Variants in NOL10 observed in about 807,000 individuals in gnomAD.
NOL10 encodes the protein H_NH0074G24.1.
A neutral mutation model predicts 103.5 loss-of-function variants in NOL10; 58 were observed. The ratio of observed to expected loss-of-function variants is 0.56; its 90% CI spans 0.45 to 0.70. The LOEUF (loss-of-function observed/expected upper bound fraction) is 0.70. NOL10 is among the 30% of genes least tolerant of loss of function. The pLI is 0.00. For missense variants in NOL10, 763 were observed against 807.3 expected, an observed-to-expected ratio of 0.95 and a Z score of 0.67; for synonymous variants, 287 against 282.5, an observed-to-expected ratio of 1.02 and a Z score of -0.16.
At chr2:10,635,713 G>A (rs542150696) in intron 13 of NOL10, among the ~76,000 whole-genome samples, 5 of 152,264 alleles carry the variant, frequency 3.3e-5, no homozygotes, top group African/African-American at 1.2e-4. Flanking sequence ...GTACAATAGA[G>A]AACATGTTGG....
At chr2:10,653,169 T>G (rs1679593331) in intron 12 of NOL10, among the ~76,000 whole-genome samples, 1 of 145,670 alleles carries the variant, frequency 6.9e-6, no homozygotes, top group Non-Finnish European at 1.5e-5. Context: ...CGCTCCAGCC[T>G]GGGTGACAGA....
chr2:10,638,071 C>A (rs1678389674), intron 13 of NOL10, among the ~76,000 whole-genome samples: 2 of 152,118 alleles, frequency 1.3e-5, no homozygotes, highest in African/African-American at 4.8e-5. Flanking sequence ...CGCTTGAGGC[C>A]AGGAGTTTGA....
intron 13 of NOL10, among the ~76,000 whole-genome samples, chr2:10,620,932 A>T (rs1286778475): frequency 6.6e-6 from 1 of 152,098 alleles, no homozygotes; most frequent in South Asian, 2.1e-4. Flanking sequence ...AGTAGCTGGG[A>T]CCAAAGGTAT....
At chr2:10,623,457 T>C (rs1392833479) in intron 13 of NOL10, among the ~76,000 whole-genome samples, 2 of 152,170 alleles carry the variant, frequency 1.3e-5, no homozygotes, top group Admixed American at 6.5e-5. Context: ...CCTTCGAAAT[T>C]TGAATGAAAC....
intron 19 of NOL10, among the ~76,000 whole-genome samples, chr2:10,579,462 C>T (rs1674635752): frequency 6.6e-6 from 1 of 152,030 alleles, no homozygotes; most frequent in Non-Finnish European, 1.5e-5. Context: ...TCAGGCCATA[C>T]TTGATTTACA....
Position 10,644,223 on chromosome 2 carries a change from C to T in NOL10, c.1026+97G>A, listed in dbSNP as rs3732112. The T allele has an allele frequency of 2.2e-3, 1,931 of 869,984 alleles. 47 individuals carry two copies. The East Asian group carries it at 0.053, about 24-fold the overall frequency. 53.9% of individuals were successfully genotyped at this position (869,984 alleles called of 1,614,324 possible). On this transcript the variant is annotated intron_variant, in intron 13 of 20. Transcript: ENST00000381685. ...AGGCTGCACCACTGCACCCCAGCAT[C>T]GGTGATCGCCAGACTCCGTCTCAAA...
intron 9 of NOL10, 150 bp from the exon 10 acceptor site, chr2:10,659,400 G>A: frequency 1.6e-6 from 1 of 625,654 alleles, no homozygotes; most frequent in Non-Finnish European, 2.8e-6. Flanking sequence ...ACTGCAGCCT[G>A]GTAAGATGAC....
rs946920759 is a variant in NOL10, at chr2:10,618,279, C to T, written c.1027-10968G>A. ...ATGAATTAAGGAGGTTATTATGTCT[C>T]CTTAGTTTCCTTTAATGTAGGAGCC... On this transcript the variant is annotated intron_variant, in intron 13 of 20. Transcript: ENST00000381685. Among the ~76,000 whole-genome samples, 3 of 151,956 alleles carry T rather than the reference C, an allele frequency of 2.0e-5. No homozygotes were observed. The East Asian group carries it at 5.8e-4, about 29-fold the overall frequency.
chr2:10,673,614 G>A, intron 4 of NOL10, 57 bp from the exon 5 acceptor site: 4 of 1,156,550 alleles, frequency 3.5e-6, no homozygotes, highest in Non-Finnish European at 5.0e-6. Flanking sequence ...TAGTAACAAC[G>A]CAAACCTGAT....
chr2:10,646,778 G>GTTC (rs1298257990), intron 12 of NOL10, among the ~76,000 whole-genome samples: 1 of 152,068 alleles, frequency 6.6e-6, no homozygotes, highest in Admixed American at 6.6e-5. Flanking sequence ...CAATTCCAAG[G>GTTC]CTCATAACAT....
intron 13 of NOL10, among the ~76,000 whole-genome samples, chr2:10,636,445 A>C (rs1678230738): frequency 7.2e-6 from 1 of 139,682 alleles, no homozygotes; most frequent in Non-Finnish European, 1.6e-5. Flanking sequence ...AAAAAAAAAA[A>C]ACACCAAACA....
At chr2:10,625,677 G>A (rs760737252) in intron 13 of NOL10, among the ~76,000 whole-genome samples, 7 of 151,912 alleles carry the variant, frequency 4.6e-5, no homozygotes, top group Non-Finnish European at 8.8e-5. Flanking sequence ...AGCAATTTAC[G>A]GTGCTAGTAA....
rs562497128 is a variant in NOL10 at position 10,602,764 on chromosome 2, T to A, written c.1332+12A>T. 6.7e-7 allele frequency: 1 copy of A among 1,485,268 alleles called. No homozygotes were observed. Among genetic ancestry groups the A allele is most frequent in the South Asian group, 1.2e-5 (1 of 85,210 alleles). 92.0% of individuals were successfully genotyped at this position (1,485,268 alleles called of 1,614,324 possible). A position where few individuals can be genotyped will look rare whatever the true frequency, so the allele number is the denominator to read the frequency against. The stretch of plus-strand genomic sequence containing the variant: ...CTTCTCTGATAAATTCAATGGTAAG[T>A]ATAATATTTACCTTTAACTGGACTC... On this transcript the variant is annotated intron_variant, in intron 16 of 20. Coordinates refer to ENST00000381685, the MANE Select transcript of NOL10 (RefSeq NM_024894.4).
chr2:10,646,996 A>G (rs1679118462), intron 12 of NOL10, among the ~76,000 whole-genome samples: 1 of 152,234 alleles, frequency 6.6e-6, no homozygotes, highest in South Asian at 2.1e-4. Context: ...ATATGGTTTC[A>G]CCCATGAAGA....
At chr2:10,657,991 G>T in intron 10 of NOL10, 100 bp from the exon 11 acceptor site, 1 of 857,798 alleles carries the variant, frequency 1.2e-6, no homozygotes, top group Non-Finnish European at 1.8e-6. Flanking sequence ...TCATCGCTTT[G>T]TTATGAACAC....
At chr2:10,599,271 C>T (rs1171367729) in intron 17 of NOL10, among the ~76,000 whole-genome samples, 2 of 152,232 alleles carry the variant, frequency 1.3e-5, no homozygotes, top group African/African-American at 4.8e-5. Context: ...TAAGTTAGCT[C>T]TACTCTCTAT....
At chr2:10,607,753 A>T (rs7349191) in intron 13 of NOL10, among the ~76,000 whole-genome samples, 25 of 79,104 alleles carry the variant, frequency 3.2e-4, no homozygotes, top group East Asian at 5.5e-4. Context: ...AACAATATTT[A>T]TTATTATTAT....
chr2:10,588,153 A>T (rs1047033658), intron 19 of NOL10, among the ~76,000 whole-genome samples: 4 of 152,156 alleles, frequency 2.6e-5, no homozygotes, highest in Non-Finnish European at 5.9e-5. Context: ...CCTGACTCAG[A>T]CTCCTGACAA....
intron 2 of NOL10, among the ~76,000 whole-genome samples, chr2:10,682,656 T>G (rs1372793795): frequency 6.6e-6 from 1 of 152,050 alleles, no homozygotes; most frequent in Non-Finnish European, 1.5e-5. Context: ...CACTTCAGCC[T>G]CCCAAACTTC....
Sources: allele counts gnomAD v4.1 joint callset (sites outside exome capture counted in the v4.1 genomes callset), GRCh38; gene constraint gnomAD v4.1.1; transcripts MANE v1.5; gene names NCBI Gene and HGNC (gene_info 2026-07-23, HGNC 2026-07-21).